ST8SIA6: variants seen among roughly 807,000 people sequenced by gnomAD.
The protein encoded by ST8SIA6 is alpha-2,8-sialyltransferase 8F.
In ST8SIA6, 39 loss-of-function variants were observed where a neutral mutation model predicts 33.6. The ratio of observed to expected loss-of-function variants is 1.16; its 90% confidence interval spans 0.90 to 1.52. The LOEUF is 1.52. ST8SIA6 is among the 40% of genes most tolerant of loss of function. The probability of loss-of-function intolerance (pLI) is 0.00; values close to 1 mark genes in which losing one functional copy is unlikely to be tolerated. For missense variants in ST8SIA6, 441 were observed against 443.8 expected, an observed-to-expected ratio of 0.99 and a Z score of 0.06; for synonymous variants, 172 against 167.2, an observed-to-expected ratio of 1.03 and a Z score of -0.22.
At chr10:17,442,462 C>A (rs562565999) in intron 2 of ST8SIA6, among the ~76,000 whole-genome samples, 14 of 152,328 alleles carry the variant, frequency 9.2e-5, no homozygotes, top group Non-Finnish European at 2.1e-4. Flanking sequence ...ACACTAATTT[C>A]TGCCTTGGAG....
intron 4 of ST8SIA6, among the ~76,000 whole-genome samples, chr10:17,337,905 C>T (rs1464158318): frequency 6.6e-6 from 1 of 152,184 alleles, no homozygotes; most frequent in Non-Finnish European, 1.5e-5. Context: ...AAGGTTTCAC[C>T]TTCCATGGCA....
chr10:17,383,725 G>C (rs1850241510), intron 3 of ST8SIA6, among the ~76,000 whole-genome samples: 1 of 152,170 alleles, frequency 6.6e-6, no homozygotes, highest in African/African-American at 2.4e-5. Context: ...AAAACTTTCA[G>C]AACTCATGGA....
chr10:17,400,988 T>C (rs1450449407), intron 2 of ST8SIA6, among the ~76,000 whole-genome samples: 1 of 152,204 alleles, frequency 6.6e-6, no homozygotes, highest in African/African-American at 2.4e-5. Flanking sequence ...GGCAGTCAAA[T>C]TGTCCCTGTT....
At chr10:17,396,061 T>C (rs1850794512) in intron 2 of ST8SIA6, among the ~76,000 whole-genome samples, 1 of 152,176 alleles carries the variant, frequency 6.6e-6, no homozygotes, top group Non-Finnish European at 1.5e-5. Flanking sequence ...CTCCGACCCA[T>C]GAGTGGAGAT....
intron 4 of ST8SIA6, among the ~76,000 whole-genome samples, chr10:17,348,154 C>T (rs7905488): frequency 0.45 from 68,036 of 149,542 alleles, 16,052 homozygotes; most frequent in South Asian, 0.6. Context: ...AACCAATTTT[C>T]GTTGACGGAT....
intron 4 of ST8SIA6, among the ~76,000 whole-genome samples, chr10:17,351,603 G>A (rs1246789301): frequency 2.0e-5 from 3 of 151,364 alleles, no homozygotes; most frequent in Admixed American, 6.6e-5. Flanking sequence ...ACACTCCCAC[G>A]TTTACTACAG....
Position 17,319,946 on chromosome 10 carries a change from A to G in ST8SIA6, c.*932T>C, listed in dbSNP as rs1489708974. Reference sequence around the variant, plus strand: ...CTGTTCCTTGTAGCACTTTATTCATAGCTTTTGTCATTGTAATACTTATCA... The same window carrying G: ...CTGTTCCTTGTAGCACTTTATTCATGGCTTTTGTCATTGTAATACTTATCA... On this transcript the variant is annotated 3_prime_UTR_variant, in exon 8 of 8. Transcript: ENST00000377602. 6.6e-6 allele frequency: 1 copy of G among 152,206 alleles called. No homozygotes were observed. Among genetic ancestry groups the G allele is most frequent in the East Asian group, 1.9e-4 (1 of 5,192 alleles). The allele number at this position is 152,206 out of a possible 1,614,324, so 9.4% of individuals were successfully genotyped here. A position where few individuals can be genotyped will look rare whatever the true frequency, so the allele number is the denominator to read the frequency against.
At chr10:17,446,712 AAAC>A (rs1359380783) in intron 2 of ST8SIA6, among the ~76,000 whole-genome samples, 1 of 152,172 alleles carries the variant, frequency 6.6e-6, no homozygotes, top group Non-Finnish European at 1.5e-5. Flanking sequence ...GCGAGACAGA[AAAC>A]AAAGATTCAC....
intron 2 of ST8SIA6, among the ~76,000 whole-genome samples, chr10:17,445,688 A>G (rs1428037174): frequency 1.3e-5 from 2 of 152,228 alleles, no homozygotes; most frequent in Non-Finnish European, 2.9e-5. Flanking sequence ...TCTTGAGATT[A>G]CATGTTGATT....
In ST8SIA6 at chr10:17,355,477, C is replaced by T. The variant is rs535044410; in HGVS notation, c.377+4037G>A. Among the ~76,000 whole-genome samples the T allele has an allele frequency of 2.8e-4, 42 of 152,240 alleles. No homozygotes were observed. In the South Asian group the frequency reaches 8.7e-3, roughly 32 times the overall value. ...TAGGCACTGGAGATACAAAGATAAACAAGATAATGCCATGTCCCCAAAGGG... is the reference window on the plus strand; with the variant it reads ...TAGGCACTGGAGATACAAAGATAAATAAGATAATGCCATGTCCCCAAAGGG... On this transcript the variant is annotated intron_variant, in intron 4 of 7. Transcript: ENST00000377602.
At chr10:17,331,679 A>C (rs1848306578) in intron 4 of ST8SIA6, 127 bp from the exon 5 acceptor site, 3 of 972,268 alleles carry the variant, frequency 3.1e-6, no homozygotes, top group Admixed American at 3.7e-5. Context: ...AATTATTCAC[A>C]AAGATGACTT....
At chr10:17,329,823 T>C (rs1488639127) in intron 5 of ST8SIA6, among the ~76,000 whole-genome samples, 1 of 152,312 alleles carries the variant, frequency 6.6e-6, no homozygotes, top group South Asian at 2.1e-4. Flanking sequence ...AATGCAAATG[T>C]GCACGCTCCA....
intron 5 of ST8SIA6, among the ~76,000 whole-genome samples, chr10:17,330,994 T>C (rs1375146030): frequency 5.9e-5 from 9 of 152,200 alleles, no homozygotes; most frequent in Admixed American, 4.6e-4. Context: ...CTATAAATTC[T>C]TACATATTTA....
rs78213540 is a variant in ST8SIA6 at position 17,330,811 on chromosome 10, C to T, written c.522+597G>A. 7.6e-3 allele frequency among the ~76,000 whole-genome samples: 1,154 copies of T among 152,150 alleles called. 14 individuals carry two copies. Among genetic ancestry groups the T allele is most frequent in the African/African-American group, 0.026 (1,082 of 41,510 alleles). ...CCAAGTGTGGGTTTGCATTAAGGGT[C>T]GAGTTTCTCCTAACTGTGTGAAGTG... On this transcript the variant is annotated intron_variant, in intron 5 of 7. Transcript: ENST00000377602.
At chr10:17,357,633 T>A (rs1303268372) in intron 4 of ST8SIA6, among the ~76,000 whole-genome samples, 1 of 152,194 alleles carries the variant, frequency 6.6e-6, no homozygotes, top group Non-Finnish European at 1.5e-5. Flanking sequence ...CTTCTGGGCT[T>A]TAGTCCTTTA....
intron 2 of ST8SIA6, among the ~76,000 whole-genome samples, chr10:17,447,102 G>T (rs1188303839): frequency 6.6e-6 from 1 of 150,860 alleles, no homozygotes; most frequent in South Asian, 2.1e-4. Context: ...TGAAAAATAA[G>T]AATTGTGGCC....
intron 2 of ST8SIA6, among the ~76,000 whole-genome samples, chr10:17,420,682 C>G (rs528137735): frequency 1.3e-5 from 2 of 152,312 alleles, no homozygotes; most frequent in South Asian, 4.1e-4. Context: ...GCTGATGGCC[C>G]ACACTGGATC....
chr10:17,345,422 C>A (rs1848803897), intron 4 of ST8SIA6, among the ~76,000 whole-genome samples: 1 of 152,182 alleles, frequency 6.6e-6, no homozygotes, highest in Non-Finnish European at 1.5e-5. Flanking sequence ...GGTACCTAAG[C>A]CACCCAAAGT....
intron 3 of ST8SIA6, among the ~76,000 whole-genome samples, chr10:17,371,638 T>C (rs1849734824): frequency 6.6e-6 from 1 of 151,122 alleles, no homozygotes; most frequent in Non-Finnish European, 1.5e-5. Flanking sequence ...TACAAAAAGT[T>C]AGCAGGGCGT....
Sources: gnomAD v4.1 joint callset for allele counts (sites outside exome capture counted in the v4.1 genomes callset) on GRCh38, gnomAD v4.1.1 for gene constraint, MANE v1.5 for transcripts, NCBI Gene and HGNC (gene_info 2026-07-23, HGNC 2026-07-21) for gene names.